CNTNAP5: variants seen among roughly 807,000 people sequenced by gnomAD.
CNTNAP5 encodes contactin-associated protein-like 5.
In CNTNAP5, 72 loss-of-function variants were observed where a neutral mutation model predicts 150.2. The ratio of observed to expected loss-of-function variants is 0.48; its 90% CI spans 0.40 to 0.58. CNTNAP5 has a LOEUF of 0.58. Ranked by LOEUF, CNTNAP5 falls within the 20% of genes least tolerant of loss-of-function variation. The pLI, the probability that CNTNAP5 is intolerant of heterozygous loss-of-function variation, is 0.00. For missense variants in CNTNAP5, 1,636 were observed against 1,626.2 expected (o/e 1.01, Z -0.10); for synonymous variants, 672 against 619.8 (o/e 1.08, Z -1.25).
intron 1 of CNTNAP5, among the ~76,000 whole-genome samples, chr2:124,120,661 C>A (rs900781885): frequency 1.3e-5 from 2 of 152,140 alleles, no homozygotes; most frequent in African/African-American, 4.8e-5. Flanking sequence ...GCAATGTAGG[C>A]TTGGCGATTT....
Position 124,532,706 on chromosome 2 carries a change from G to A in CNTNAP5, c.1649+5250G>A, listed in dbSNP as rs527295647. On this transcript the variant is annotated intron_variant, in intron 10 of 23. Coordinates refer to ENST00000682447, the MANE Select transcript of CNTNAP5 (RefSeq NM_001367498.1). ...ATCCACCCCGCCCACAGTCTGAGAT[G>A]TGACACACATTATTTAAACTTTTGT... Among the ~76,000 whole-genome samples, 15 of 152,318 alleles carry A rather than the reference G, an allele frequency of 9.8e-5. No homozygotes were observed. In the South Asian group the frequency reaches 3.1e-3, roughly 32 times the overall value.
At chr2:124,689,765 CATA>C (rs1049152834) in intron 13 of CNTNAP5, among the ~76,000 whole-genome samples, 6 of 152,028 alleles carry the variant, frequency 3.9e-5, no homozygotes, top group African/African-American at 1.4e-4. Context: ...TTATAATCTT[CATA>C]ATATTTTTAT....
At chr2:124,156,961 C>T (rs1225607783) in intron 1 of CNTNAP5, among the ~76,000 whole-genome samples, 1 of 152,112 alleles carries the variant, frequency 6.6e-6, no homozygotes, top group Non-Finnish European at 1.5e-5. Context: ...ATTATTAAGA[C>T]CAAATCACCT....
chr2:124,683,352 G>A (rs1271480719), intron 13 of CNTNAP5, among the ~76,000 whole-genome samples: 2 of 152,192 alleles, frequency 1.3e-5, no homozygotes, highest in African/African-American at 4.8e-5. Flanking sequence ...GGTTAGGTAA[G>A]CAAAGCTGAA....
intron 1 of CNTNAP5, among the ~76,000 whole-genome samples, chr2:124,185,278 C>G (rs1685308249): frequency 6.6e-6 from 1 of 152,146 alleles, no homozygotes; most frequent in Non-Finnish European, 1.5e-5. Context: ...CTCTCTGAGA[C>G]CTTGTTTGGT....
chr2:124,103,483 T>C (rs2104698783), intron 1 of CNTNAP5, among the ~76,000 whole-genome samples: 1 of 152,268 alleles, frequency 6.6e-6, no homozygotes, highest in African/African-American at 2.4e-5. Context: ...GCTCCATTCA[T>C]GGTAAATGCC....
chr2:124,876,761 CT>C (rs1677869070), intron 21 of CNTNAP5, among the ~76,000 whole-genome samples: 2 of 151,982 alleles, frequency 1.3e-5, no homozygotes, highest in Non-Finnish European at 1.5e-5. Flanking sequence ...AAACCACAGC[CT>C]TTTTCAGACT....
intron 3 of CNTNAP5, among the ~76,000 whole-genome samples, chr2:124,413,280 G>A (rs144304143): frequency 0.4 from 60,313 of 150,354 alleles, 13,601 homozygotes; most frequent in South Asian, 0.51. Context: ...TACACTGTTG[G>A]TGGGACTGTA....
chr2:124,729,529 G>A (rs192505646), intron 13 of CNTNAP5, among the ~76,000 whole-genome samples: 18 of 152,028 alleles, frequency 1.2e-4, no homozygotes, highest in African/African-American at 3.1e-4. Context: ...ACAGTCAAAC[G>A]CTAATTTTGT....
intron 2 of CNTNAP5, among the ~76,000 whole-genome samples, chr2:124,239,028 A>C (rs1440206102): frequency 6.6e-6 from 1 of 152,208 alleles, no homozygotes; most frequent in Non-Finnish European, 1.5e-5. Context: ...TTGGGCTCAG[A>C]AAATTTTTAA....
rs1677793350 is a variant in CNTNAP5, at chr2:124,873,489, C to T, written c.3436+3727C>T. On this transcript the variant is annotated intron_variant, in intron 21 of 23. Transcript: ENST00000682447. ...CTGGGCTGCCTTCCCATTTGAACTG[C>T]CGTTGAACAGATGGAAGGATTTTGA... 2.0e-5 allele frequency among the ~76,000 whole-genome samples: 3 copies of T among 152,046 alleles called. No individual in the cohort carries two copies. The South Asian group carries it at 6.2e-4, about 32-fold the overall frequency.
At chr2:124,707,060 G>A (rs140210099) in intron 13 of CNTNAP5, among the ~76,000 whole-genome samples, 2,195 of 94,370 alleles carry the variant, frequency 0.023, 241 homozygotes, top group African/African-American at 0.078. Flanking sequence ...GGAGGAGGAG[G>A]AGAGGAAGAG....
In CNTNAP5 at chr2:124,482,633, C is replaced by G. The variant is rs574068235; in HGVS notation, c.1062+7751C>G. ...TTGTTATTTGCCGAAGAAATCTCTC[C>G]TGGGTGTCTCTTGCAATGTAAGAGC... On this transcript the variant is annotated intron_variant, in intron 7 of 23. Transcript: ENST00000682447. 4.1e-4 allele frequency among the ~76,000 whole-genome samples: 63 copies of G among 152,178 alleles called. 1 individual carries two copies. The Middle Eastern group carries it at 0.01, about 25-fold the overall frequency.
At chr2:124,368,407 C>T (rs1474610626) in intron 3 of CNTNAP5, among the ~76,000 whole-genome samples, 1 of 152,108 alleles carries the variant, frequency 6.6e-6, no homozygotes, top group Non-Finnish European at 1.5e-5. Flanking sequence ...AAAATCAGTA[C>T]AACTGCTACA....
intron 3 of CNTNAP5, among the ~76,000 whole-genome samples, chr2:124,253,941 A>G (rs1033528267): frequency 6.6e-6 from 1 of 151,944 alleles, no homozygotes; most frequent in African/African-American, 2.4e-5. Flanking sequence ...GTATTTAATA[A>G]CATTCTCCTT....
intron 3 of CNTNAP5, among the ~76,000 whole-genome samples, chr2:124,379,981 G>A (rs983130243): frequency 1.3e-5 from 2 of 152,046 alleles, no homozygotes; most frequent in Non-Finnish European, 2.9e-5. Context: ...TTCAGATCTG[G>A]ATTACCATGT....
chr2:124,880,880 A>G (rs1677951154), intron 21 of CNTNAP5, among the ~76,000 whole-genome samples: 1 of 152,142 alleles, frequency 6.6e-6, no homozygotes. Context: ...TATTGTGTGG[A>G]AGATCACCTT....
At chr2:124,902,298 C>T (rs1373428174) in intron 21 of CNTNAP5, among the ~76,000 whole-genome samples, 1 of 152,122 alleles carries the variant, frequency 6.6e-6, no homozygotes, top group Non-Finnish European at 1.5e-5. Flanking sequence ...AAAACCCATG[C>T]ACACCAATCA....
intron 1 of CNTNAP5, among the ~76,000 whole-genome samples, chr2:124,103,360 G>A (rs1683106104): frequency 6.6e-6 from 1 of 151,712 alleles, no homozygotes; most frequent in South Asian, 2.1e-4. Flanking sequence ...TGTAGGGTAG[G>A]CTAAGTGTAC....
Sources: gnomAD v4.1 joint callset for allele counts (sites outside exome capture counted in the v4.1 genomes callset) on GRCh38, gnomAD v4.1.1 for gene constraint, MANE v1.5 for transcripts, NCBI Gene and HGNC (gene_info 2026-07-23, HGNC 2026-07-21) for gene names.